TJP2: variants seen among roughly 807,000 people sequenced by gnomAD.
TJP2 encodes tight junction protein 2.
A neutral mutation model predicts 133.1 loss-of-function variants in TJP2; 91 were observed. The observed-to-expected ratio is 0.68, with a 90% CI of 0.58 to 0.81. TJP2 has a LOEUF of 0.81. TJP2 is among the 40% of genes least tolerant of loss of function. The pLI is 0.00. For missense variants in TJP2, 1,541 were observed against 1,565.6 expected, an observed-to-expected ratio of 0.98 and a Z score of 0.26; for synonymous variants, 592 against 583.4, an observed-to-expected ratio of 1.01 and a Z score of -0.21.
intron 20 of TJP2, 152 bp downstream of exon 20, chr9:69,249,637 G>C: frequency 6.6e-7 from 1 of 1,509,444 alleles, no homozygotes; most frequent in Non-Finnish European, 8.8e-7. Flanking sequence ...CTTTTGGCCT[G>C]TTGGGTGAAC....
chr9:69,185,716 T>C (rs1825812296), intron 1 of TJP2, among the ~76,000 whole-genome samples: 1 of 152,186 alleles, frequency 6.6e-6, no homozygotes, highest in East Asian at 1.9e-4. Flanking sequence ...CTTTTTTCCC[T>C]GTCTTTAGCT....
chr9:69,130,157 A>G (rs7024062), intron 1 of TJP2, among the ~76,000 whole-genome samples: 129,548 of 152,182 alleles, frequency 0.85, 55,395 homozygotes, highest in African/African-American at 0.92. Context: ...TTGTAGCCAC[A>G]GAGAATTTTC....
chr9:69,174,553 G>A (rs1010301662), intron 1 of TJP2, 121 bp downstream of exon 1: 2 of 1,220,698 alleles, frequency 1.6e-6, no homozygotes, highest in African/African-American at 1.5e-5. Flanking sequence ...AGGAAGCTGG[G>A]ATTCTCCCAT....
chr9:69,161,946 G>T (rs981180328), intron 2 of TJP2, among the ~76,000 whole-genome samples: 2 of 150,056 alleles, frequency 1.3e-5, no homozygotes, highest in Middle Eastern at 3.5e-3. Context: ...ACTTGGGAGG[G>T]TGAGGCAGAA....
intron 13 of TJP2, 136 bp from the exon 14 acceptor site, chr9:69,236,813 A>T: frequency 9.5e-7 from 1 of 1,055,596 alleles, no homozygotes; most frequent in Non-Finnish European, 1.5e-6. Flanking sequence ...CACATTTCCC[A>T]CCCTCTGAAA....
chr9:69,146,370 T>C (rs1254491864), intron 1 of TJP2, among the ~76,000 whole-genome samples: 2 of 152,234 alleles, frequency 1.3e-5, no homozygotes, highest in African/African-American at 4.8e-5. Flanking sequence ...AGTCTTCTTT[T>C]GTGCTTCTTA....
intron 1 of TJP2, among the ~76,000 whole-genome samples, chr9:69,133,058 T>G (rs1822566607): frequency 6.6e-6 from 1 of 152,160 alleles, no homozygotes; most frequent in Non-Finnish European, 1.5e-5. Flanking sequence ...GCCTCCTGGA[T>G]TCAAGTGATC....
At chr9:69,159,045 C>T (rs950316398) in intron 2 of TJP2, among the ~76,000 whole-genome samples, 1 of 152,030 alleles carries the variant, frequency 6.6e-6, no homozygotes, top group African/African-American at 2.4e-5. Context: ...TGGTTTACAC[C>T]TGTAATCCCA....
At chr9:69,177,606 T>C (rs962517131) in intron 1 of TJP2, among the ~76,000 whole-genome samples, 4 of 152,112 alleles carry the variant, frequency 2.6e-5, no homozygotes, top group Non-Finnish European at 4.4e-5. Context: ...AAATCCAATA[T>C]GCAGTATTGC....
At chr9:69,248,832 T>C in intron 19 of TJP2, 1 of 994,306 alleles carries the variant, frequency 1.0e-6, no homozygotes, top group Non-Finnish European at 1.2e-6. Context: ...AATTATTAGT[T>C]GCACCTCAGA....
At chr9:69,197,516 T>G (rs549071582) in intron 1 of TJP2, among the ~76,000 whole-genome samples, 1 of 152,186 alleles carries the variant, frequency 6.6e-6, no homozygotes, top group East Asian at 1.9e-4. Flanking sequence ...TTTGTTTTTC[T>G]TTTTTTCTAC....
In TJP2 at chr9:69,163,323, G is replaced by A. The variant is rs373633150; in HGVS notation, c.-10+11552G>A. ...ATTACAGGCGTGAGCCACCGCGCCC[G>A]GCCTCAGTATCTTTATTTTAAAACA... On this transcript the variant is annotated intron_variant, in intron 2 of 5. Transcript: ENST00000423935. 1.3e-3 allele frequency among the ~76,000 whole-genome samples: 58 copies of A among 43,192 alleles called. 21 individuals are homozygous for A. The East Asian group carries it at 0.048, about 36-fold the overall frequency. 28.3% of individuals were successfully genotyped at this position (43,192 alleles called of 152,430 possible). A position where few individuals can be genotyped will look rare whatever the true frequency, so the allele number is the denominator to read the frequency against.
At chr9:69,225,831 C>G (rs1300645507) in intron 6 of TJP2, among the ~76,000 whole-genome samples, 191 bp from the exon 7 acceptor site, 1 of 152,144 alleles carries the variant, frequency 6.6e-6, no homozygotes, top group Non-Finnish European at 1.5e-5. Context: ...TAACTTACAC[C>G]TGTATTTGGG....
chr9:69,209,654 T>C (rs1827711557), intron 1 of TJP2, among the ~76,000 whole-genome samples: 1 of 150,764 alleles, frequency 6.6e-6, no homozygotes, highest in Non-Finnish European at 1.5e-5. Flanking sequence ...CTCGGGAGGC[T>C]GAGGCAGGAG....
intron 12 of TJP2, among the ~76,000 whole-genome samples, 155 bp from the exon 13 acceptor site, chr9:69,235,873 T>C (rs749901993): frequency 3.3e-5 from 5 of 152,214 alleles, no homozygotes; most frequent in Admixed American, 6.5e-5. Flanking sequence ...TGGTTATTTG[T>C]CCTTGTTCCT....
chr9:69,232,012 A>C (rs1829820801), intron 11 of TJP2, among the ~76,000 whole-genome samples: 1 of 152,242 alleles, frequency 6.6e-6, no homozygotes, highest in African/African-American at 2.4e-5. Context: ...TCCGTGAAGA[A>C]AAGTAGTGAA....
Position 69,205,419 on chromosome 9 carries a change from T to C in TJP2, c.61-7129T>C, listed in dbSNP as rs1301317714. 3 of 1,284,074 alleles carry C rather than the reference T, an allele frequency of 2.3e-6. No homozygotes were observed. In the South Asian group the frequency reaches 4.8e-5, roughly 20 times the overall value. The allele number at this position is 1,284,074 out of a possible 1,614,324, so 79.5% of individuals were successfully genotyped here. ...TGGTGGGTTTTTAAAAATACTTGTATTAATTTTAGCAGATCTATGTGAAAC... is the reference window on the plus strand; with the variant it reads ...TGGTGGGTTTTTAAAAATACTTGTACTAATTTTAGCAGATCTATGTGAAAC... On this transcript the variant is annotated intron_variant, in intron 1 of 22. Coordinates refer to ENST00000377245, the MANE Select transcript of TJP2 (RefSeq NM_004817.4).
intron 9 of TJP2, among the ~76,000 whole-genome samples, chr9:69,228,333 G>A (rs1320708931): frequency 3.9e-5 from 6 of 152,180 alleles, no homozygotes; most frequent in Non-Finnish European, 8.8e-5. Flanking sequence ...AGAGGTGGCA[G>A]TAACAGAAAC....
chr9:69,138,565 G>A (rs376490429), intron 1 of TJP2, among the ~76,000 whole-genome samples: 17 of 151,772 alleles, frequency 1.1e-4, no homozygotes, highest in Admixed American at 7.2e-4. Flanking sequence ...TCAGGAGTTC[G>A]AGACCAGCCT....
Sources: gnomAD v4.1 joint callset for allele counts (sites outside exome capture counted in the v4.1 genomes callset) on GRCh38, gnomAD v4.1.1 for gene constraint, MANE v1.5 for transcripts, NCBI Gene and HGNC (gene_info 2026-07-23, HGNC 2026-07-21) for gene names.